IMMP2L: variants seen among roughly 807,000 people sequenced by gnomAD.
IMMP2L encodes the protein mitochondrial inner membrane protease subunit 2.
In IMMP2L, 18 loss-of-function variants were observed where a neutral mutation model predicts 19.3. That is an observed-to-expected ratio of 0.93 (90% confidence interval 0.64 to 1.38). The LOEUF is 1.38. IMMP2L is among the 40% of genes most tolerant of loss of function. IMMP2L has a pLI of 0.00. For missense variants in IMMP2L, 233 were observed against 218.2 expected, an observed-to-expected ratio of 1.07 and a Z score of -0.43; for synonymous variants, 76 against 73.0, an observed-to-expected ratio of 1.04 and a Z score of -0.21.
At chr7:111,013,832 T>G (rs939315566) in intron 3 of IMMP2L, among the ~76,000 whole-genome samples, 1 of 152,198 alleles carries the variant, frequency 6.6e-6, no homozygotes, top group African/African-American at 2.4e-5. Flanking sequence ...TTATTTTTTT[T>G]TTCTTTTTTA....
At chr7:110,962,681 T>C in intron 4 of IMMP2L, 1 of 988,794 alleles carries the variant, frequency 1.0e-6, no homozygotes, top group Non-Finnish European at 1.2e-6. Context: ...GGCCATGCTG[T>C]GAGAACTGCT....
At chr7:111,435,365 A>C (rs1333046800) in intron 3 of IMMP2L, among the ~76,000 whole-genome samples, 1 of 151,900 alleles carries the variant, frequency 6.6e-6, no homozygotes, top group Non-Finnish European at 1.5e-5. Context: ...AAAAGAATGA[A>C]ATAATGTCCT....
intron 3 of IMMP2L, among the ~76,000 whole-genome samples, chr7:111,350,814 TTG>T (rs1458158427): frequency 6.6e-6 from 1 of 152,164 alleles, no homozygotes; most frequent in African/African-American, 2.4e-5. Flanking sequence ...CTATTTTTAA[TTG>T]TGTTAGAGGC....
intron 3 of IMMP2L, among the ~76,000 whole-genome samples, chr7:111,321,880 C>T (rs1824754337): frequency 6.6e-6 from 1 of 151,900 alleles, no homozygotes; most frequent in Non-Finnish European, 1.5e-5. Flanking sequence ...ACTTCCAACA[C>T]TTTACTTATA....
intron 3 of IMMP2L, among the ~76,000 whole-genome samples, chr7:111,059,936 GA>G (rs59195962): frequency 1.4e-5 from 2 of 144,388 alleles, no homozygotes; most frequent in Non-Finnish European, 3.1e-5. Flanking sequence ...AAAAAAAAAA[GA>G]AAAAAAAAGA....
chr7:110,759,166 TCACTGC>T (rs1183015299), intron 5 of IMMP2L, among the ~76,000 whole-genome samples: 1 of 152,110 alleles, frequency 6.6e-6, no homozygotes, highest in Non-Finnish European at 1.5e-5. Context: ...AGCTCAAATG[TCACTGC>T]CACTGGAAGA....
At chr7:111,061,568 A>G (rs1248553169) in intron 3 of IMMP2L, among the ~76,000 whole-genome samples, 1 of 152,084 alleles carries the variant, frequency 6.6e-6, no homozygotes, top group African/African-American at 2.4e-5. Flanking sequence ...TGCACCTCCT[A>G]TCAAAGCTAC....
intron 3 of IMMP2L, among the ~76,000 whole-genome samples, chr7:111,130,383 T>C (rs544822602): frequency 2.0e-5 from 3 of 152,268 alleles, no homozygotes; most frequent in South Asian, 4.1e-4. Flanking sequence ...CAACGACATT[T>C]GGAGACCTCA....
chr7:111,339,222 A>G (rs1358388738), intron 3 of IMMP2L, among the ~76,000 whole-genome samples: 2 of 151,996 alleles, frequency 1.3e-5, no homozygotes, highest in African/African-American at 4.8e-5. Context: ...TTCATCAGAA[A>G]TTATAATGCT....
At chr7:111,270,882 C>A (rs1818389242) in intron 3 of IMMP2L, among the ~76,000 whole-genome samples, 1 of 152,126 alleles carries the variant, frequency 6.6e-6, no homozygotes, top group Non-Finnish European at 1.5e-5. Context: ...GAGCACTTAT[C>A]TTACATGAAC....
At chr7:110,715,679 G>A (rs1795188446) in intron 5 of IMMP2L, among the ~76,000 whole-genome samples, 2 of 151,996 alleles carry the variant, frequency 1.3e-5, no homozygotes, top group Non-Finnish European at 1.5e-5. Context: ...CTTTTTTGTG[G>A]TCTGTCTTTG....
chr7:111,202,381 C>A (rs1005228942), intron 3 of IMMP2L, among the ~76,000 whole-genome samples: 2 of 152,182 alleles, frequency 1.3e-5, no homozygotes, highest in Admixed American at 1.3e-4. Flanking sequence ...ACTGTACTCA[C>A]GCACTCATAG....
At chr7:111,354,214 AT>A (rs1584767897) in intron 3 of IMMP2L, among the ~76,000 whole-genome samples, 2 of 152,098 alleles carry the variant, frequency 1.3e-5, no homozygotes, top group African/African-American at 4.8e-5. Context: ...ATAGTTAAAA[AT>A]ATGACCAAAT....
chr7:111,181,077 G>A (rs1807655901), intron 3 of IMMP2L, among the ~76,000 whole-genome samples: 1 of 151,540 alleles, frequency 6.6e-6, no homozygotes, highest in Non-Finnish European at 1.5e-5. Flanking sequence ...CAATACATAG[G>A]CCTATTTAAA....
chr7:111,268,659 C>T (rs1171124669), intron 3 of IMMP2L, among the ~76,000 whole-genome samples: 4 of 126,786 alleles, frequency 3.2e-5, no homozygotes, highest in Non-Finnish European at 6.3e-5. Context: ...GTGGCATGAA[C>T]GGGGCTCACT....
At chr7:111,439,050 C>T (rs1245791783) in intron 3 of IMMP2L, among the ~76,000 whole-genome samples, 1 of 151,806 alleles carries the variant, frequency 6.6e-6, no homozygotes, top group African/African-American at 2.4e-5. Context: ...AAGCCGGGGT[C>T]CAGCAGTTAG....
In IMMP2L at chr7:110,714,798, T is replaced by C. The variant is rs559101838; in HGVS notation, c.409-51077A>G. On this transcript the variant is annotated intron_variant, in intron 5 of 5. Transcript: ENST00000405709. ...TTTTAGTAGGGACAGGGTTTTGCCA[T>C]GTTGGTCAGGCAGGTCTCGAACTCG... is the stretch of plus-strand genomic sequence containing the variant. Among the ~76,000 whole-genome samples, 56 of 152,306 alleles carry C rather than the reference T, an allele frequency of 3.7e-4. 2 individuals carry two copies. The South Asian group carries it at 0.011, about 29-fold the overall frequency.
At chr7:110,671,839 G>A (rs577321386) in intron 5 of IMMP2L, among the ~76,000 whole-genome samples, 1 of 152,224 alleles carries the variant, frequency 6.6e-6, no homozygotes, top group Non-Finnish European at 1.5e-5. Context: ...ACACAGGAAA[G>A]AAAATCAGGA....
chr7:111,351,246 A>C (rs1013804460), intron 3 of IMMP2L, among the ~76,000 whole-genome samples: 3 of 152,186 alleles, frequency 2.0e-5, no homozygotes, highest in Non-Finnish European at 4.4e-5. Flanking sequence ...GCTGGAGTGC[A>C]GTGGCGCAAT....
Sources: gnomAD v4.1 joint callset for allele counts (sites outside exome capture counted in the v4.1 genomes callset) on GRCh38, gnomAD v4.1.1 for gene constraint, MANE v1.5 for transcripts, NCBI Gene and HGNC (gene_info 2026-07-23, HGNC 2026-07-21) for gene names.